The following CSMD1 variants were observed in gnomAD, a reference collection of about 807,000 sequenced individuals.
CSMD1 encodes the protein CUB and Sushi multiple domains 1.
In CSMD1, 213 loss-of-function variants were observed where a neutral mutation model predicts 417.5. The observed-to-expected ratio is 0.51, with a 90% confidence interval of 0.46 to 0.57. The LOEUF (loss-of-function observed/expected upper bound fraction) is 0.57, where lower values mean the gene tolerates loss of function less well. Among genes scored for constraint, CSMD1 ranks in the 20% least tolerant of loss-of-function variants. The pLI, the probability that CSMD1 is intolerant of heterozygous loss-of-function variation, is 0.00. For synonymous variants in CSMD1, 2,862 were observed against 1,736.8 expected, an observed-to-expected ratio of 1.65 and a Z score of -16.11; for missense variants, 6,923 against 4,529.7, an observed-to-expected ratio of 1.53 and a Z score of -15.17.
intron 1 of CSMD1, among the ~76,000 whole-genome samples, chr8:4,837,374 A>T (rs1800557125): frequency 1.3e-5 from 2 of 152,226 alleles, no homozygotes. Flanking sequence ...TGATAAAGAA[A>T]ATGTGGTACA....
chr8:4,645,904 T>G (rs368478602), intron 1 of CSMD1, among the ~76,000 whole-genome samples: 4 of 152,260 alleles, frequency 2.6e-5, no homozygotes, highest in African/African-American at 9.6e-5. Flanking sequence ...ACTTAAAATA[T>G]GAGGATTTCA....
chr8:4,428,631 G>A (rs1034126341), intron 2 of CSMD1, among the ~76,000 whole-genome samples: 8 of 152,030 alleles, frequency 5.3e-5, no homozygotes, highest in African/African-American at 1.7e-4. Flanking sequence ...AGGAAACACG[G>A]AAACTACAGA....
At chr8:3,622,992 C>T (rs552208473) in intron 7 of CSMD1, among the ~76,000 whole-genome samples, 1 of 152,154 alleles carries the variant, frequency 6.6e-6, no homozygotes, top group African/African-American at 2.4e-5. Flanking sequence ...GAACACATGA[C>T]ATAGATAGTA....
chr8:4,651,555 T>C (rs368069282), intron 1 of CSMD1, among the ~76,000 whole-genome samples: 6 of 152,228 alleles, frequency 3.9e-5, no homozygotes, highest in African/African-American at 1.4e-4. Flanking sequence ...TAATTTACTA[T>C]TTTACTTAAG....
chr8:4,474,623 G>C (rs1462870102), intron 2 of CSMD1, among the ~76,000 whole-genome samples: 2 of 152,096 alleles, frequency 1.3e-5, no homozygotes, highest in Non-Finnish European at 2.9e-5. Context: ...ACCCATTCCT[G>C]GGTGCCCTCA....
intron 25 of CSMD1, among the ~76,000 whole-genome samples, chr8:3,293,076 T>C (rs889938258): frequency 8.7e-4 from 132 of 152,288 alleles, no homozygotes; most frequent in African/African-American, 3.0e-3. Flanking sequence ...TATTTCTCCT[T>C]CACTTATGAA....
At chr8:4,494,623 G>C (rs1043479018) in intron 2 of CSMD1, among the ~76,000 whole-genome samples, 7 of 151,978 alleles carry the variant, frequency 4.6e-5, no homozygotes, top group Admixed American at 2.0e-4. Flanking sequence ...GGTTTTAAAA[G>C]AAAGTTCGCT....
At chr8:3,840,984 G>A (rs997034923) in intron 5 of CSMD1, among the ~76,000 whole-genome samples, 2 of 152,178 alleles carry the variant, frequency 1.3e-5, no homozygotes, top group Admixed American at 6.6e-5. Flanking sequence ...TCAGATTACA[G>A]GCATGAACCA....
chr8:4,881,099 C>T (rs1453045233), intron 1 of CSMD1, among the ~76,000 whole-genome samples: 1 of 152,034 alleles, frequency 6.6e-6, no homozygotes, highest in Non-Finnish European at 1.5e-5. Flanking sequence ...CCACATTGTT[C>T]TTCCCCTATT....
At chr8:4,618,471 T>C (rs565038860) in intron 2 of CSMD1, among the ~76,000 whole-genome samples, 1 of 151,886 alleles carries the variant, frequency 6.6e-6, no homozygotes, top group African/African-American at 2.4e-5. Context: ...CTATTTTATA[T>C]TCTTGGTGGG....
chr8:3,321,166 G>A (rs1409203561), intron 23 of CSMD1, among the ~76,000 whole-genome samples: 2 of 152,042 alleles, frequency 1.3e-5, no homozygotes, highest in Non-Finnish European at 2.9e-5. Flanking sequence ...CGAATCCTTT[G>A]CTTTCTAAGC....
intron 7 of CSMD1, among the ~76,000 whole-genome samples, chr8:3,655,892 G>A (rs1473605164): frequency 6.6e-6 from 1 of 152,116 alleles, no homozygotes. Context: ...GAACATGCAA[G>A]ACCTTAATCC....
chr8:4,045,797 T>G (rs1303573343), intron 3 of CSMD1, among the ~76,000 whole-genome samples: 3 of 152,208 alleles, frequency 2.0e-5, no homozygotes, highest in Non-Finnish European at 2.9e-5. Flanking sequence ...TTTCCAGACA[T>G]TGTGAGACAT....
intron 3 of CSMD1, among the ~76,000 whole-genome samples, chr8:4,229,170 C>G (rs909863399): frequency 6.6e-6 from 1 of 152,198 alleles, no homozygotes; most frequent in Non-Finnish European, 1.5e-5. Context: ...GGACAAAAAC[C>G]CGGAGTCAAC....
intron 5 of CSMD1, among the ~76,000 whole-genome samples, chr8:3,763,275 C>T (rs1344871374): frequency 2.6e-5 from 4 of 152,132 alleles, no homozygotes; most frequent in Non-Finnish European, 5.9e-5. Flanking sequence ...ATTTTGTCTC[C>T]TCCAAATCTC....
chr8:3,273,251 T>C (rs1802007536), intron 26 of CSMD1, among the ~76,000 whole-genome samples: 1 of 151,854 alleles, frequency 6.6e-6, no homozygotes, highest in Non-Finnish European at 1.5e-5. Flanking sequence ...TTTGCGTATA[T>C]TGAACTAGCC....
chr8:4,154,066 A>C (rs1022643033), intron 3 of CSMD1, among the ~76,000 whole-genome samples: 1 of 152,202 alleles, frequency 6.6e-6, no homozygotes, highest in Admixed American at 6.5e-5. Context: ...GGAGGTAATA[A>C]ATAAATTGGA....
chr8:3,015,613 T>C (rs903742076), intron 52 of CSMD1, among the ~76,000 whole-genome samples: 4 of 151,984 alleles, frequency 2.6e-5, no homozygotes, highest in African/African-American at 9.7e-5. Context: ...ATTATATATA[T>C]ATATATCTCC....
intron 3 of CSMD1, among the ~76,000 whole-genome samples, chr8:4,119,490 A>T (rs1161853648): frequency 6.6e-6 from 1 of 152,178 alleles, no homozygotes; most frequent in African/African-American, 2.4e-5. Flanking sequence ...TAAACTCGTA[A>T]TCCTCAATGT....
Sources: gnomAD v4.1 joint callset for allele counts (sites outside exome capture counted in the v4.1 genomes callset) on GRCh38, gnomAD v4.1.1 for gene constraint, MANE v1.5 for transcripts, NCBI Gene and HGNC (gene_info 2026-07-23, HGNC 2026-07-21) for gene names.